PPARGC1A: variants seen among roughly 807,000 people sequenced by gnomAD.
PPARGC1A encodes PPARG coactivator 1 alpha.
In PPARGC1A, 25 loss-of-function variants were observed where a neutral mutation model predicts 88.7. That is an observed-to-expected ratio of 0.28 (90% CI 0.21 to 0.39). The LOEUF is 0.39. Among genes scored for constraint, PPARGC1A ranks in the 10% least tolerant of loss-of-function variants. PPARGC1A has a pLI of 1.00. For synonymous variants in PPARGC1A, 363 were observed against 355.6 expected (o/e 1.02, Z -0.24); for missense variants, 880 against 968.7 (o/e 0.91, Z 1.22).
At chr4:24,028,340 A>T in the PPARGC1A span, among the ~76,000 whole-genome samples, 1 of 152,216 alleles carries the variant, frequency 6.6e-6, no homozygotes, top group Non-Finnish European at 1.5e-5. Context: ...TATTAACTGC[A>T]TCGAATCAAA....
At chr4:23,957,527 A>G in the PPARGC1A span, among the ~76,000 whole-genome samples, 7 of 152,120 alleles carry the variant, frequency 4.6e-5, no homozygotes, top group African/African-American at 7.2e-5. Context: ...AGGGATTGAA[A>G]CATAGGTTTT....
the PPARGC1A span, among the ~76,000 whole-genome samples, chr4:24,182,332 T>C: frequency 2.0e-5 from 3 of 152,204 alleles, no homozygotes; most frequent in Admixed American, 6.5e-5. Context: ...GAACTCATTC[T>C]TTTTTTATGG....
chr4:23,996,446 A>G, the PPARGC1A span, among the ~76,000 whole-genome samples: 6 of 152,108 alleles, frequency 3.9e-5, no homozygotes, highest in African/African-American at 1.4e-4. Context: ...AGAATACCCC[A>G]TGAAGCAAGT....
the PPARGC1A span, among the ~76,000 whole-genome samples, chr4:24,213,009 T>G: frequency 6.6e-6 from 1 of 152,112 alleles, no homozygotes; most frequent in South Asian, 2.1e-4. Flanking sequence ...AAATCAGCCT[T>G]GTTGGTGGAC....
At chr4:23,863,936 A>T (rs1047424020) in intron 2 of PPARGC1A, among the ~76,000 whole-genome samples, 1 of 152,118 alleles carries the variant, frequency 6.6e-6, no homozygotes, top group South Asian at 2.1e-4. Flanking sequence ...TAGTGCAGAC[A>T]GGGTTTCTCT....
At chr4:24,331,766 T>TA in the PPARGC1A span, among the ~76,000 whole-genome samples, 14 of 38,744 alleles carry the variant, frequency 3.6e-4, no homozygotes, top group Non-Finnish European at 4.7e-4. Context: ...CTGTGTTTAT[T>TA]TTATATATAT....
At chr4:24,381,766 G>C in the PPARGC1A span, among the ~76,000 whole-genome samples, 3 of 152,226 alleles carry the variant, frequency 2.0e-5, no homozygotes, top group African/African-American at 7.2e-5. Context: ...CTGCTGAATA[G>C]CCAAGATGTT....
At chr4:24,132,253 G>A in the PPARGC1A span, among the ~76,000 whole-genome samples, 4 of 151,504 alleles carry the variant, frequency 2.6e-5, no homozygotes, top group Admixed American at 6.6e-5. Flanking sequence ...ACATCTTCCA[G>A]TCCTCAATCT....
the PPARGC1A span, among the ~76,000 whole-genome samples, chr4:24,103,368 C>A: frequency 6.6e-6 from 1 of 151,920 alleles, no homozygotes; most frequent in Non-Finnish European, 1.5e-5. Flanking sequence ...CAACCCATAT[C>A]CCAGATGCTG....
the PPARGC1A span, among the ~76,000 whole-genome samples, chr4:24,241,737 G>A: frequency 2.0e-5 from 3 of 152,194 alleles, no homozygotes; most frequent in African/African-American, 7.2e-5. Context: ...TGTTTTATCT[G>A]TGCAACTCCA....
the PPARGC1A span, among the ~76,000 whole-genome samples, chr4:23,940,019 T>A: frequency 1.3e-5 from 2 of 152,208 alleles, no homozygotes; most frequent in Non-Finnish European, 2.9e-5. Context: ...ATATTTCACA[T>A]CCTTCAACGT....
the PPARGC1A span, among the ~76,000 whole-genome samples, chr4:24,094,114 C>A: frequency 6.6e-6 from 1 of 152,070 alleles, no homozygotes; most frequent in African/African-American, 2.4e-5. Context: ...ACTGCAGATG[C>A]GTGTGTTGCT....
chr4:23,923,023 G>T, the PPARGC1A span, among the ~76,000 whole-genome samples: 3 of 151,418 alleles, frequency 2.0e-5, no homozygotes, highest in African/African-American at 7.3e-5. Context: ...TTTTCATTTT[G>T]TTGGCTGCCT....
At chr4:24,176,654 T>C in the PPARGC1A span, among the ~76,000 whole-genome samples, 2 of 152,098 alleles carry the variant, frequency 1.3e-5, no homozygotes, top group Non-Finnish European at 2.9e-5. Flanking sequence ...GAGCTATCAC[T>C]TCTTAGCCAG....
the PPARGC1A span, among the ~76,000 whole-genome samples, chr4:24,381,594 G>A: frequency 6.6e-6 from 1 of 152,206 alleles, no homozygotes; most frequent in African/African-American, 2.4e-5. Flanking sequence ...TGTTCACAAA[G>A]TGTTTTGCTA....
the PPARGC1A span, among the ~76,000 whole-genome samples, chr4:24,125,589 T>A: frequency 4.3e-4 from 66 of 152,162 alleles, 1 homozygote; most frequent in South Asian, 1.0e-3. Flanking sequence ...TCTTTCTCCT[T>A]CCCTACTTCT....
At chr4:24,385,878 C>T in the PPARGC1A span, among the ~76,000 whole-genome samples, 1 of 152,082 alleles carries the variant, frequency 6.6e-6, no homozygotes, top group Non-Finnish European at 1.5e-5. Context: ...AGGACTCCTC[C>T]CTAACACATT....
chr4:24,346,868 T>A, the PPARGC1A span, among the ~76,000 whole-genome samples: 13 of 152,148 alleles, frequency 8.5e-5, no homozygotes. Flanking sequence ...CCTTAGATTG[T>A]TTGCTTGTGC....
chr4:24,387,818 A>AAGAAAGAAAGAGAAAGAGAGAAAGAG, the PPARGC1A span, among the ~76,000 whole-genome samples: 4 of 81,080 alleles, frequency 4.9e-5, no homozygotes, highest in African/African-American at 1.9e-4. Flanking sequence ...GAAAGAAAGA[A>AAGAAAGAAAGAGAAAGAGAGAAAGAG]AGAAAGAGAG....
Sources: allele counts gnomAD v4.1 joint callset (sites outside exome capture counted in the v4.1 genomes callset), GRCh38; gene constraint gnomAD v4.1.1; transcripts MANE v1.5; gene names NCBI Gene and HGNC (gene_info 2026-07-23, HGNC 2026-07-21).